The following GRID2 variants were observed in gnomAD, a reference collection of about 807,000 sequenced individuals.
The protein encoded by GRID2 is glutamate receptor ionotropic, delta-2.
Under a neutral mutation model 114.8 loss-of-function variants are expected in GRID2, and 33 were observed. That is an observed-to-expected ratio of 0.29 (90% CI 0.22 to 0.38). GRID2 has a LOEUF of 0.38. Ranked by LOEUF, GRID2 falls within the 10% of genes least tolerant of loss-of-function variation. GRID2 has a pLI of 1.00. For synonymous variants in GRID2, 505 were observed against 449.9 expected, an observed-to-expected ratio of 1.12 and a Z score of -1.55; for missense variants, 1,184 against 1,257.7, an observed-to-expected ratio of 0.94 and a Z score of 0.89.
At chr4:93,753,757 G>C (rs1395500272) in intron 14 of GRID2, among the ~76,000 whole-genome samples, 1 of 152,158 alleles carries the variant, frequency 6.6e-6, no homozygotes, top group Non-Finnish European at 1.5e-5. Flanking sequence ...GGACATTTGG[G>C]TTGGTTCCAA....
At chr4:92,711,156 G>C (rs1735225974) in intron 2 of GRID2, among the ~76,000 whole-genome samples, 1 of 151,838 alleles carries the variant, frequency 6.6e-6, no homozygotes, top group African/African-American at 2.4e-5. Flanking sequence ...GATTGCATAG[G>C]TACAAATTAT....
chr4:92,503,698 T>C (rs539796442), intron 1 of GRID2, among the ~76,000 whole-genome samples: 5 of 152,240 alleles, frequency 3.3e-5, no homozygotes, highest in Admixed American at 1.3e-4. Flanking sequence ...CATAACACTG[T>C]ATAATTTTAC....
chr4:92,564,880 C>T (rs1263095433), intron 1 of GRID2, among the ~76,000 whole-genome samples: 2 of 151,890 alleles, frequency 1.3e-5, no homozygotes, highest in East Asian at 3.9e-4. Context: ...CTAAAATATG[C>T]CCTGTATCGT....
intron 1 of GRID2, among the ~76,000 whole-genome samples, chr4:92,309,979 CAT>C (rs928708244): frequency 2.0e-4 from 31 of 151,568 alleles, no homozygotes; most frequent in Admixed American, 1.8e-3. Flanking sequence ...TGAGACAAAA[CAT>C]ATGAAAATAG....
chr4:92,507,527 C>G (rs1724038183), intron 1 of GRID2, among the ~76,000 whole-genome samples: 1 of 151,332 alleles, frequency 6.6e-6, no homozygotes, highest in Non-Finnish European at 1.5e-5. Flanking sequence ...CTCATAACCC[C>G]TATGTAGTTA....
chr4:92,841,794 A>T (rs968599097), intron 2 of GRID2, among the ~76,000 whole-genome samples: 2 of 150,260 alleles, frequency 1.3e-5, no homozygotes, highest in African/African-American at 4.9e-5. Context: ...TTATAGCTTA[A>T]TTTTTTTTTT....
chr4:92,449,676 GATATAT>G lies in GRID2; in HGVS notation c.89-140425_89-140420del, dbSNP rs371209786. ...TCAAATATGTCTATCTTTTCTTACT[GATATAT>G]ATATATATATATATATATATATATA... On this transcript the variant is annotated intron_variant, in intron 1 of 15. Transcript: ENST00000282020. Among the ~76,000 whole-genome samples, 667 of 96,734 alleles carry G rather than the reference GATATAT, an allele frequency of 6.9e-3. 12 individuals are homozygous for G. Among genetic ancestry groups the G allele is most frequent in the African/African-American group, 0.018 (421 of 23,784 alleles). The allele number at this position is 96,734 out of a possible 152,430, so 63.5% of individuals were successfully genotyped here.
intron 1 of GRID2, among the ~76,000 whole-genome samples, chr4:92,375,875 C>T (rs1729331315): frequency 1.3e-5 from 2 of 152,070 alleles, no homozygotes; most frequent in South Asian, 2.1e-4. Flanking sequence ...TAAGAACATA[C>T]AAAACTAATA....
chr4:93,731,630 A>G (rs1170467949), intron 14 of GRID2, among the ~76,000 whole-genome samples: 1 of 152,200 alleles, frequency 6.6e-6, no homozygotes, highest in African/African-American at 2.4e-5. Flanking sequence ...CCTGGGGTGA[A>G]GCCTTCTAAG....
At chr4:92,611,780 C>T (rs1729756403) in intron 2 of GRID2, among the ~76,000 whole-genome samples, 1 of 151,454 alleles carries the variant, frequency 6.6e-6, no homozygotes, top group Admixed American at 6.6e-5. Context: ...TTTTTACTGA[C>T]ATCTGTGTAT....
chr4:93,385,525 T>A (rs1475909791), intron 8 of GRID2, among the ~76,000 whole-genome samples: 1 of 152,204 alleles, frequency 6.6e-6, no homozygotes, highest in Non-Finnish European at 1.5e-5. Context: ...GTGAATTGTA[T>A]ACTAGGCCTG....
intron 2 of GRID2, among the ~76,000 whole-genome samples, chr4:92,971,054 T>C (rs766379558): frequency 5.1e-4 from 78 of 152,028 alleles, no homozygotes; most frequent in Non-Finnish European, 1.0e-3. Flanking sequence ...CAGACTTGGC[T>C]CATACTCCTG....
intron 8 of GRID2, among the ~76,000 whole-genome samples, chr4:93,263,701 A>G (rs1750499673): frequency 6.6e-6 from 1 of 151,990 alleles, no homozygotes; most frequent in African/African-American, 2.4e-5. Flanking sequence ...CTTATTTTTA[A>G]TTTGCAGATT....
At chr4:92,617,786 G>C (rs1395385791) in intron 2 of GRID2, among the ~76,000 whole-genome samples, 1 of 151,512 alleles carries the variant, frequency 6.6e-6, no homozygotes, top group African/African-American at 2.4e-5. Flanking sequence ...TTGTATACTT[G>C]CTAGACATTT....
chr4:93,490,608 G>A (rs1162502012), intron 11 of GRID2, 31 bp from the exon 12 acceptor site: 4 of 1,570,182 alleles, frequency 2.5e-6, no homozygotes, highest in Middle Eastern at 1.7e-4. Context: ...ACTAGTTGAT[G>A]TTCTTTTTAT....
chr4:92,957,148 A>G (rs1752464683), intron 2 of GRID2, among the ~76,000 whole-genome samples: 1 of 152,036 alleles, frequency 6.6e-6, no homozygotes, highest in Admixed American at 6.6e-5. Flanking sequence ...AGAAATTCTT[A>G]ATTTTAATTA....
intron 4 of GRID2, among the ~76,000 whole-genome samples, chr4:93,196,900 T>A (rs1201906061): frequency 6.6e-6 from 1 of 152,154 alleles, no homozygotes; most frequent in Non-Finnish European, 1.5e-5. Context: ...ACATCAGGAA[T>A]ATACATGTGT....
chr4:93,053,702 A>G (rs942571980), intron 2 of GRID2, among the ~76,000 whole-genome samples: 1 of 151,964 alleles, frequency 6.6e-6, no homozygotes, highest in African/African-American at 2.4e-5. Context: ...TTGACCTCAA[A>G]TAACGAAATG....
chr4:93,008,702 T>C (rs909563195), intron 2 of GRID2, among the ~76,000 whole-genome samples: 3 of 152,138 alleles, frequency 2.0e-5, no homozygotes, highest in Non-Finnish European at 4.4e-5. Context: ...CAATGTGGTA[T>C]ATATCAATTT....
Sources: allele counts gnomAD v4.1 joint callset (sites outside exome capture counted in the v4.1 genomes callset), GRCh38; gene constraint gnomAD v4.1.1; transcripts MANE v1.5; gene names NCBI Gene and HGNC (gene_info 2026-07-23, HGNC 2026-07-21).